The following ABCB11 variants were observed in gnomAD, a reference collection of about 807,000 sequenced individuals.
The protein encoded by ABCB11 is bile salt export pump.
ABCB11 carries 95 observed loss-of-function variants against 148.0 expected under a neutral mutation model. The ratio of observed to expected loss-of-function variants is 0.64; its 90% CI spans 0.54 to 0.76. ABCB11 has a LOEUF of 0.76. ABCB11 is among the 30% of genes least tolerant of loss of function. The pLI is 0.00. For missense variants in ABCB11, 1,523 were observed against 1,617.8 expected (o/e 0.94, Z 1.01); for synonymous variants, 591 against 555.4 (o/e 1.06, Z -0.90).
chr2:168,971,370 T>C (rs1334962831), intron 14 of ABCB11, among the ~76,000 whole-genome samples: 4 of 151,998 alleles, frequency 2.6e-5, no homozygotes, highest in African/African-American at 9.7e-5. Flanking sequence ...GAGGAGTTGG[T>C]TTTTGTAGTT....
chr2:168,948,468 T>C (rs914986966), intron 19 of ABCB11, among the ~76,000 whole-genome samples: 1 of 150,608 alleles, frequency 6.6e-6, no homozygotes, highest in Non-Finnish European at 1.5e-5. Context: ...TGGAAAACTA[T>C]AGGTGGTAAA....
chr2:168,979,118 T>C (rs1694039402), intron 11 of ABCB11, among the ~76,000 whole-genome samples: 1 of 152,198 alleles, frequency 6.6e-6, no homozygotes, highest in Non-Finnish European at 1.5e-5. Context: ...AAGCGAATTT[T>C]ATGGACATGG....
At chr2:168,934,314 A>C (rs1048337458) in intron 23 of ABCB11, among the ~76,000 whole-genome samples, 1 of 152,048 alleles carries the variant, frequency 6.6e-6, no homozygotes, top group Admixed American at 6.5e-5. Flanking sequence ...TGGCTAGAGA[A>C]GGAAACCCAA....
At chr2:168,985,344 C>T (rs1283282420) in intron 10 of ABCB11, among the ~76,000 whole-genome samples, 2 of 152,064 alleles carry the variant, frequency 1.3e-5, no homozygotes, top group Non-Finnish European at 2.9e-5. Flanking sequence ...ATGGAAATTC[C>T]TTAAAGAACT....
chr2:168,942,284 G>A (rs1692097536), intron 21 of ABCB11, among the ~76,000 whole-genome samples: 1 of 151,726 alleles, frequency 6.6e-6, no homozygotes, highest in Non-Finnish European at 1.5e-5. Flanking sequence ...GGAAAATTTA[G>A]TATCCCCACA....
downstream of ABCB11, among the ~76,000 whole-genome samples, chr2:168,919,881 GT>G (rs200718460): frequency 6.7e-6 from 1 of 150,058 alleles, no homozygotes; most frequent in Admixed American, 6.7e-5. Flanking sequence ...TTTTGGTTTT[GT>G]TTTTTTTTGA....
intron 12 of ABCB11, among the ~76,000 whole-genome samples, chr2:168,974,505 A>G (rs1031644853): frequency 6.6e-6 from 1 of 152,006 alleles, no homozygotes; most frequent in East Asian, 1.9e-4. Flanking sequence ...TCTGTGTCAC[A>G]AAACCTCACG....
chr2:168,938,531 A>G (rs1352510708), intron 21 of ABCB11, among the ~76,000 whole-genome samples: 2 of 152,108 alleles, frequency 1.3e-5, no homozygotes, highest in African/African-American at 4.8e-5. Flanking sequence ...GGAGAGCAGG[A>G]TGGGGAGTTG....
chr2:168,927,379 T>G lies in ABCB11; in HGVS notation c.3412-17A>C, dbSNP rs756483920. On this transcript the variant is annotated splice_polypyrimidine_tract_variant and intron_variant, in intron 25 of 27. Transcript: ENST00000650372. ...ATCTATCATCTGCCAATAGAGGAGA[T>G]GACAGGTCATTAGGTTTTTAGAATT... 1.9e-6 allele frequency: 3 copies of G among 1,602,390 alleles called. No individual in the cohort carries two copies. In the African/African-American group the frequency reaches 4.0e-5, roughly 21 times the overall value.
intron 11 of ABCB11, among the ~76,000 whole-genome samples, chr2:168,979,273 C>T (rs1374531992): frequency 6.6e-6 from 1 of 152,064 alleles, no homozygotes; most frequent in African/African-American, 2.4e-5. Context: ...GAATGCCCTC[C>T]CTGCTCTTAC....
At chr2:168,957,906 T>C in intron 19 of ABCB11, 58 bp downstream of exon 19, 1 of 1,367,622 alleles carries the variant, frequency 7.3e-7, no homozygotes, top group Non-Finnish European at 9.7e-7. Flanking sequence ...AGCGGACTTA[T>C]CAAAATAATA....
intron 1 of ABCB11, among the ~76,000 whole-genome samples, chr2:169,025,458 A>G (rs982233916): frequency 2.0e-5 from 3 of 152,168 alleles, no homozygotes; most frequent in Non-Finnish European, 4.4e-5. Flanking sequence ...TAGCAGCTGA[A>G]GTTCCCTTTG....
At chr2:168,919,786 T>C (rs928139434), downstream of ABCB11, among the ~76,000 whole-genome samples, 12 of 152,196 alleles carry the variant, frequency 7.9e-5, no homozygotes, top group African/African-American at 2.9e-4. Context: ...AGGCAAATCT[T>C]TATGAATTTT....
chr2:168,964,339 A>T (rs1192931180), intron 17 of ABCB11, 31 bp from the exon 18 acceptor site: 1 of 1,513,450 alleles, frequency 6.6e-7, no homozygotes, highest in South Asian at 1.2e-5. Context: ...GAAACAGTGT[A>T]GACTGTGGCC....
chr2:168,930,024 G>A (rs184916214), intron 25 of ABCB11, among the ~76,000 whole-genome samples: 402 of 151,978 alleles, frequency 2.6e-3, no homozygotes, highest in Non-Finnish European at 4.1e-3. Context: ...AAAGCAGGGG[G>A]GTGGCTTTTT....
At chr2:168,944,116 C>T (rs62171002) in intron 21 of ABCB11, among the ~76,000 whole-genome samples, 22 of 151,880 alleles carry the variant, frequency 1.4e-4, no homozygotes, top group Non-Finnish European at 2.6e-4. Flanking sequence ...GTCAGCTCTT[C>T]GACGCCTTCA....
chr2:168,966,989 A>G (rs1314755957), intron 17 of ABCB11, among the ~76,000 whole-genome samples: 1 of 151,956 alleles, frequency 6.6e-6, no homozygotes, highest in Non-Finnish European at 1.5e-5. Flanking sequence ...ACTACTTAAC[A>G]TGAGTAGAAT....
intron 21 of ABCB11, among the ~76,000 whole-genome samples, chr2:168,943,664 A>T (rs778153010): frequency 1.3e-5 from 2 of 152,004 alleles, no homozygotes; most frequent in Non-Finnish European, 2.9e-5. Context: ...AAAGTGGCCT[A>T]TTTATAGGGA....
chr2:168,933,212 G>A (rs1353361192), intron 23 of ABCB11, among the ~76,000 whole-genome samples: 4 of 151,902 alleles, frequency 2.6e-5, no homozygotes, highest in Admixed American at 2.0e-4. Flanking sequence ...AGATTGAGTT[G>A]ATTTTTCTAG....
Sources: gnomAD v4.1 joint callset for allele counts (sites outside exome capture counted in the v4.1 genomes callset) on GRCh38, gnomAD v4.1.1 for gene constraint, MANE v1.5 for transcripts, NCBI Gene and HGNC (gene_info 2026-07-23, HGNC 2026-07-21) for gene names.